The following RFFL variants were observed in gnomAD, a reference collection of about 807,000 sequenced individuals.
RFFL encodes the protein E3 ubiquitin-protein ligase rififylin.
Under a neutral mutation model 40.4 loss-of-function variants are expected in RFFL, and 16 were observed. That is an observed-to-expected ratio of 0.40 (90% CI 0.27 to 0.60). The LOEUF is 0.60. RFFL is among the 20% of genes least tolerant of loss of function. RFFL has a pLI of 0.47. For synonymous variants in RFFL, 154 were observed against 167.9 expected (o/e 0.92, Z 0.64); for missense variants, 367 against 451.7 (o/e 0.81, Z 1.70).
intron 1 of RFFL, chr17:35,036,502 C>T (rs374406663): frequency 6.6e-6 from 1 of 152,198 alleles, no homozygotes; most frequent in African/African-American, 2.4e-5. Context: ...CTGCTAGGGT[C>T]TCCTCTTCCA....
intron 1 of RFFL, among the ~76,000 whole-genome samples, chr17:35,072,767 G>A (rs1032055791): frequency 2.0e-5 from 3 of 152,086 alleles, no homozygotes; most frequent in African/African-American, 4.8e-5. Flanking sequence ...AAAGTGGTCG[G>A]GCGTGGTGGC....
intron 1 of RFFL, chr17:35,069,420 G>T: frequency 2.2e-6 from 1 of 446,082 alleles, no homozygotes; most frequent in Non-Finnish European, 4.5e-6. Context: ...GTTTCTGCAG[G>T]CTATAGAAAT....
At chr17:35,014,858 C>A in intron 5 of RFFL, 95 bp from the exon 6 acceptor site, 1 of 1,266,546 alleles carries the variant, frequency 7.9e-7, no homozygotes, top group Non-Finnish European at 1.2e-6. Flanking sequence ...ACTCTTACCA[C>A]TCCCTGCTGG....
At position 35,074,430 on chromosome 17, in the gene RFFL, C is replaced by A. The variant is rs552333942; in HGVS notation, c.-9+14675G>T. The A allele has an allele frequency of 2.0e-5, 3 of 152,304 alleles. No individual in the cohort carries two copies. The South Asian group carries it at 6.2e-4, about 32-fold the overall frequency. 9.4% of individuals were successfully genotyped at this position (152,304 alleles called of 1,614,324 possible). A position where few individuals can be genotyped will look rare whatever the true frequency, so the allele number is the denominator to read the frequency against. Reference sequence around the variant, plus strand: ...AAACTGCGGTGAGAGTTCATTCATTCTGGACTGGTTACTTCTGCAGCCGAC... The same window carrying A: ...AAACTGCGGTGAGAGTTCATTCATTATGGACTGGTTACTTCTGCAGCCGAC... On this transcript the variant is annotated intron_variant, in intron 1 of 6. Transcript: ENST00000315249.
chr17:35,076,472 G>A (rs2091377099), intron 1 of RFFL, among the ~76,000 whole-genome samples: 1 of 151,620 alleles, frequency 6.6e-6, no homozygotes, highest in Non-Finnish European at 1.5e-5. Flanking sequence ...CCTGAGGTCG[G>A]GAGTTCAAGA....
Position 35,011,767 on chromosome 17 carries a change from A to C in RFFL, c.*201T>G, listed in dbSNP as rs1389577801. On this transcript the variant is annotated 3_prime_UTR_variant, in exon 7 of 7. Transcript: ENST00000394597. ...ACCCATGTGATTTATACAAGTTCCC[A>C]CTGGCCTTGGGCTTTGCCAGCCAAG... is the stretch of plus-strand genomic sequence containing the variant. 1 of 582,056 alleles carries C rather than the reference A, an allele frequency of 1.7e-6. No homozygotes were observed. Among genetic ancestry groups the C allele is most frequent in the Non-Finnish European group, 3.1e-6 (1 of 325,656 alleles). The allele number at this position is 582,056 out of a possible 1,614,324, so 36.1% of individuals were successfully genotyped here. A position where few individuals can be genotyped will look rare whatever the true frequency, so the allele number is the denominator to read the frequency against.
intron 1 of RFFL, among the ~76,000 whole-genome samples, chr17:35,042,668 A>C (rs1312466280): frequency 6.6e-6 from 1 of 151,908 alleles, no homozygotes; most frequent in Non-Finnish European, 1.5e-5. Flanking sequence ...TGCTAAAAAT[A>C]CAAAAAATTA....
intron 1 of RFFL, among the ~76,000 whole-genome samples, chr17:35,080,762 T>A (rs1173349330): frequency 6.6e-6 from 1 of 152,240 alleles, no homozygotes; most frequent in Non-Finnish European, 1.5e-5. Flanking sequence ...CAGATCATAC[T>A]GGCTGCCAAG....
intron 1 of RFFL, among the ~76,000 whole-genome samples, 187 bp from the exon 2 acceptor site, chr17:35,026,748 C>G (rs1374251370): frequency 2.0e-5 from 3 of 152,136 alleles, no homozygotes; most frequent in African/African-American, 4.8e-5. Context: ...TCTTGTTGCC[C>G]AGGCTGGAAT....
At chr17:35,052,896 C>T (rs560211114) in intron 1 of RFFL, among the ~76,000 whole-genome samples, 19 of 152,310 alleles carry the variant, frequency 1.2e-4, no homozygotes, top group African/African-American at 4.3e-4. Flanking sequence ...GAAGTGATTA[C>T]TCCCAGTGAG....
intron 1 of RFFL, among the ~76,000 whole-genome samples, chr17:35,052,763 C>T (rs1029290337): frequency 6.6e-6 from 1 of 152,136 alleles, no homozygotes; most frequent in African/African-American, 2.4e-5. Context: ...GACAGATCTG[C>T]TCAGTGAGGC....
intron 1 of RFFL, among the ~76,000 whole-genome samples, chr17:35,054,835 C>G (rs1182882518): frequency 2.0e-5 from 3 of 151,916 alleles, no homozygotes; most frequent in Non-Finnish European, 2.9e-5. Flanking sequence ...AAATGAAGTA[C>G]CTAAAAGAGG....
chr17:35,066,794 G>T (rs565267399), upstream of RFFL, among the ~76,000 whole-genome samples: 1 of 151,798 alleles, frequency 6.6e-6, no homozygotes, highest in African/African-American at 2.4e-5. Flanking sequence ...CACATTTCCA[G>T]GAATCAGTGC....
In RFFL at chr17:35,078,008, T is replaced by C. The variant is rs74760120; in HGVS notation, c.-9+11097A>G. Among the ~76,000 whole-genome samples, 973 of 152,308 alleles carry C rather than the reference T, an allele frequency of 6.4e-3. 11 individuals are homozygous for C. Among genetic ancestry groups the C allele is most frequent in the African/African-American group, 0.022 (920 of 41,562 alleles). ...TTTAAATTCCTCCTCTGCAAAATAA[T>C]AGCATTTCTCAATCTTTTTTTTTAT... On this transcript the variant is annotated intron_variant, in intron 1 of 6. Transcript: ENST00000315249.
rs1418517478 is a variant in RFFL, at chr17:35,008,695, A to C, written c.*3273T>G. On this transcript the variant is annotated 3_prime_UTR_variant, in exon 7 of 7. Transcript: ENST00000394597. ...CGCCCAGGCCGGACTGCAGTGGCGCAATCTTGGCTCACTGCAAGCTCCGCC... is the reference window on the plus strand; with the variant it reads ...CGCCCAGGCCGGACTGCAGTGGCGCCATCTTGGCTCACTGCAAGCTCCGCC... 1 of 151,958 alleles carries C rather than the reference A, an allele frequency of 6.6e-6. No individual in the cohort carries two copies. The highest frequency in any genetic ancestry group is 1.9e-4 in the East Asian group (1 of 5,174). The allele number at this position is 151,958 out of a possible 1,614,324, so 9.4% of individuals were successfully genotyped here. A position where few individuals can be genotyped will look rare whatever the true frequency, so the allele number is the denominator to read the frequency against.
chr17:35,017,591 A>G lies in RFFL; in HGVS notation c.607T>C (p.Ser203Pro), dbSNP rs757547424. 8 of 1,610,368 alleles carry G rather than the reference A, an allele frequency of 5.0e-6. No homozygotes were observed. Among genetic ancestry groups the G allele is most frequent in the Non-Finnish European group, 6.8e-6 (8 of 1,178,048 alleles). Residue 203 changes from serine (S) to proline (P), a missense_variant, in exon 4 of 7, where the codon TCT (serine) becomes CCT (proline). Coordinates refer to ENST00000394597, the MANE Select transcript of RFFL (RefSeq NM_001017368.2). ...QENQQANGHV[S>P]QDQEEPVYLE... is the part of the protein sequence containing the mutation. ...TAGACGGGTTCCTCTTGATCCTGAG[A>G]CACATGGCCATTGGCCTGTGGGAAG...
chr17:35,072,672 G>C (rs2091356759), intron 1 of RFFL, among the ~76,000 whole-genome samples: 2 of 152,000 alleles, frequency 1.3e-5, no homozygotes, highest in African/African-American at 4.8e-5. Flanking sequence ...GGAGAAAAAC[G>C]GGTGACGGGT....
At chr17:35,012,563 A>T (rs551879011) in intron 6 of RFFL, among the ~76,000 whole-genome samples, 1 of 152,372 alleles carries the variant, frequency 6.6e-6, no homozygotes, top group East Asian at 1.9e-4. Flanking sequence ...ACTGGTTCAG[A>T]AAAGTTTAGA....
At chr17:35,014,449 C>T (rs1386555731) in intron 6 of RFFL, among the ~76,000 whole-genome samples, 3 of 152,098 alleles carry the variant, frequency 2.0e-5, no homozygotes, top group Non-Finnish European at 4.4e-5. Context: ...TACATGCCAC[C>T]CCTCCTCTGT....
Sources: gnomAD v4.1 joint callset for allele counts (sites outside exome capture counted in the v4.1 genomes callset) on GRCh38, gnomAD v4.1.1 for gene constraint, MANE v1.5 for transcripts, NCBI Gene and HGNC (gene_info 2026-07-23, HGNC 2026-07-21) for gene names.